The following ARHGAP44 variants were observed in gnomAD, a reference collection of about 807,000 sequenced individuals.
ARHGAP44 encodes the protein Rho GTPase activating protein 44, also known as rho GTPase-activating protein 44.
A neutral mutation model predicts 106.8 loss-of-function variants in ARHGAP44; 43 were observed. The observed-to-expected ratio is 0.40, with a 90% CI of 0.32 to 0.52. The LOEUF is 0.52. Among genes scored for constraint, ARHGAP44 ranks in the 20% least tolerant of loss-of-function variants. ARHGAP44 has a pLI of 0.48. For missense variants in ARHGAP44, 866 were observed against 1,050.5 expected (o/e 0.82, Z 2.43); for synonymous variants, 439 against 410.3 (o/e 1.07, Z -0.85).
chr17:12,936,856 T>C (rs2038563355), intron 7 of ARHGAP44, among the ~76,000 whole-genome samples: 1 of 152,224 alleles, frequency 6.6e-6, no homozygotes, highest in African/African-American at 2.4e-5. Context: ...GCATTTAGTG[T>C]TGTCAGTGTT....
At chr17:12,888,165 T>C (rs1203186114) in intron 1 of ARHGAP44, among the ~76,000 whole-genome samples, 1 of 152,096 alleles carries the variant, frequency 6.6e-6, no homozygotes, top group Non-Finnish European at 1.5e-5. Context: ...TGGACTTTAT[T>C]TGGTCTTTTT....
chr17:12,867,188 G>T (rs2036259684), intron 1 of ARHGAP44, among the ~76,000 whole-genome samples: 1 of 151,564 alleles, frequency 6.6e-6, no homozygotes, highest in Admixed American at 6.6e-5. Context: ...GGAACCAACT[G>T]ACAGTTCCAG....
intron 1 of ARHGAP44, among the ~76,000 whole-genome samples, chr17:12,870,639 C>T (rs1597973423): frequency 6.6e-6 from 1 of 152,096 alleles, no homozygotes; most frequent in South Asian, 2.1e-4. Flanking sequence ...TTTTTAATAC[C>T]TTCTGTGTTT....
rs776336633 is a variant in ARHGAP44, at chr17:12,943,576, G to A, written c.652-12G>A. 16 of 1,613,492 alleles carry A rather than the reference G, an allele frequency of 9.9e-6. No homozygotes were observed. Among genetic ancestry groups the A allele is most frequent in the Admixed American group, 1.7e-5 (1 of 60,006 alleles). ...CCTCACTAAGGGTGATGCTTGCCTT[G>A]TGTCTTCTCAGCTAATAGAAGTGCA... On this transcript the variant is annotated splice_polypyrimidine_tract_variant and intron_variant, in intron 8 of 20. Transcript: ENST00000379672.
chr17:12,918,391 G>T (rs2037978848), intron 5 of ARHGAP44, among the ~76,000 whole-genome samples: 2 of 152,188 alleles, frequency 1.3e-5, no homozygotes. Context: ...AGCCCGAGAT[G>T]ATTTTAGTTC....
At chr17:12,947,472 C>G (rs550287852) in intron 10 of ARHGAP44, among the ~76,000 whole-genome samples, 3 of 152,268 alleles carry the variant, frequency 2.0e-5, no homozygotes, top group Admixed American at 2.0e-4. Flanking sequence ...CCCCACCCTG[C>G]CCTGCTAGAG....
chr17:12,793,990 G>A (rs1401209628), intron 1 of ARHGAP44, among the ~76,000 whole-genome samples: 3 of 152,162 alleles, frequency 2.0e-5, no homozygotes, highest in Non-Finnish European at 4.4e-5. Flanking sequence ...TTTCTTTAAC[G>A]TTGTGATGGT....
intron 1 of ARHGAP44, among the ~76,000 whole-genome samples, chr17:12,835,596 G>A (rs774858776): frequency 1.1e-4 from 16 of 142,228 alleles, no homozygotes; most frequent in South Asian, 2.1e-4. Flanking sequence ...CCGTGGTTAC[G>A]TGGCATGGTC....
intron 4 of ARHGAP44, among the ~76,000 whole-genome samples, chr17:12,910,782 A>G (rs1446407957): frequency 1.3e-5 from 2 of 152,060 alleles, no homozygotes; most frequent in African/African-American, 4.8e-5. Context: ...TGACAAGACA[A>G]AAGAGAAGGA....
chr17:12,904,748 T>C (rs2037496075), intron 3 of ARHGAP44, among the ~76,000 whole-genome samples: 1 of 152,124 alleles, frequency 6.6e-6, no homozygotes, highest in Non-Finnish European at 1.5e-5. Flanking sequence ...CGCACACACA[T>C]GTATGTATAA....
intron 12 of ARHGAP44, among the ~76,000 whole-genome samples, chr17:12,950,154 C>G (rs147050792): frequency 6.6e-6 from 1 of 152,198 alleles, no homozygotes; most frequent in African/African-American, 2.4e-5. Flanking sequence ...TTTAAAAGGA[C>G]CTATATTTGT....
chr17:12,900,791 G>A (rs1486720104), intron 3 of ARHGAP44, among the ~76,000 whole-genome samples: 3 of 152,016 alleles, frequency 2.0e-5, no homozygotes, highest in South Asian at 2.1e-4. Context: ...AATGGTGGGA[G>A]GTTTCCATAA....
intron 1 of ARHGAP44, among the ~76,000 whole-genome samples, chr17:12,813,157 TCTC>T (rs2034488435): frequency 6.6e-6 from 1 of 152,132 alleles, no homozygotes; most frequent in Non-Finnish European, 1.5e-5. Context: ...CTGTTTCTAA[TCTC>T]CTGCCCTGGG....
intron 1 of ARHGAP44, among the ~76,000 whole-genome samples, chr17:12,833,413 C>G (rs1305910504): frequency 1.3e-5 from 2 of 152,166 alleles, no homozygotes; most frequent in Non-Finnish European, 2.9e-5. Context: ...ACTCTCTTGA[C>G]TCTTTTCCGT....
chr17:12,949,266 G>A lies in ARHGAP44; in HGVS notation c.973+15G>A, dbSNP rs749440009. On this transcript the variant is annotated intron_variant, in intron 11 of 20. Transcript: ENST00000379672. The surrounding 1 kb of genome is among the most constrained non-coding windows in gnomAD (Gnocchi z 4.1). Reference sequence around the variant, plus strand: ...CGCAATTGCAGGTGGGCACCTCTCAGCGCTCCTGTGTGCCATGGAGGCTCA... The same window carrying A: ...CGCAATTGCAGGTGGGCACCTCTCAACGCTCCTGTGTGCCATGGAGGCTCA... 1 of 1,550,678 alleles carries A rather than the reference G, an allele frequency of 6.4e-7. No individual in the cohort carries two copies. The highest frequency in any genetic ancestry group is 1.2e-5 in the South Asian group (1 of 84,066).
chr17:12,980,253 C>T lies in ARHGAP44; in HGVS notation c.1939+20C>T, dbSNP rs2039799705. 1 of 1,591,196 alleles carries T rather than the reference C, an allele frequency of 6.3e-7. No individual in the cohort carries two copies. Among genetic ancestry groups the T allele is most frequent in the African/African-American group, 1.4e-5 (1 of 74,050 alleles). ...GGAAAGGTATGGCCCTGCTTCCCTT[C>T]TCCTTGGTCTCAGGCCGGAGGTGGC... is the stretch of plus-strand genomic sequence containing the variant. On this transcript the variant is annotated intron_variant, in intron 19 of 20. Coordinates refer to ENST00000379672, the MANE Select transcript of ARHGAP44 (RefSeq NM_014859.6).
rs2039184207 is a variant in ARHGAP44, at chr17:12,958,589, T to G, written c.1343-128T>G. On this transcript the variant is annotated intron_variant, in intron 15 of 20. Coordinates refer to ENST00000379672, the MANE Select transcript of ARHGAP44 (RefSeq NM_014859.6). This position sits in a 1 kb window ranked among gnomAD's most constrained non-coding sequence, Gnocchi z 4.1. ...AATGTGATGCATTATATTAATAAGG[T>G]GAACCATGGGATGAAATTTTCTAGG... 5.8e-6 allele frequency: 5 copies of G among 868,878 alleles called. No individual in the cohort carries two copies. The South Asian group carries it at 6.9e-5, about 12-fold the overall frequency. The allele number at this position is 868,878 out of a possible 1,614,324, so 53.8% of individuals were successfully genotyped here.
chr17:12,959,566 A>G (rs2039207864), intron 16 of ARHGAP44, among the ~76,000 whole-genome samples: 3 of 152,234 alleles, frequency 2.0e-5, no homozygotes, highest in Admixed American at 2.0e-4. Context: ...TAAGATGGGC[A>G]TAAACAGGTT....
At chr17:12,847,234 T>G (rs975369956) in intron 1 of ARHGAP44, among the ~76,000 whole-genome samples, 9 of 152,190 alleles carry the variant, frequency 5.9e-5, no homozygotes, top group African/African-American at 2.2e-4. Context: ...GAACTATGTC[T>G]CTACAAAGTG....
Sources: allele counts gnomAD v4.1 joint callset (sites outside exome capture counted in the v4.1 genomes callset), GRCh38; gene constraint gnomAD v4.1.1; non-coding constraint Gnocchi (gnomAD v3.1); transcripts MANE v1.5; gene names NCBI Gene and HGNC (gene_info 2026-07-23, HGNC 2026-07-21).